Variants in RC3H1 observed in about 807,000 individuals in gnomAD.
The protein encoded by RC3H1 is roquin-1.
Under a neutral mutation model 138.2 loss-of-function variants are expected in RC3H1, and 50 were observed. The ratio of observed to expected loss-of-function variants is 0.36; its 90% CI spans 0.29 to 0.46. The LOEUF is 0.46. Ranked by LOEUF, RC3H1 falls within the 20% of genes least tolerant of loss-of-function variation. RC3H1 has a pLI of 1.00. For missense variants in RC3H1, 1,031 were observed against 1,388.1 expected (o/e 0.74, Z 4.09); for synonymous variants, 462 against 489.1 (o/e 0.94, Z 0.73).
intron 18 of RC3H1, among the ~76,000 whole-genome samples, chr1:173,942,867 A>T (rs1658959230): frequency 6.6e-6 from 1 of 152,110 alleles, no homozygotes; most frequent in African/African-American, 2.4e-5. Context: ...CAACAAAAAA[A>T]ATCATATCAT....
At chr1:173,982,321 G>C (rs1158363477) in intron 5 of RC3H1, among the ~76,000 whole-genome samples, 1 of 151,056 alleles carries the variant, frequency 6.6e-6, no homozygotes, top group Non-Finnish European at 1.5e-5. Context: ...GGAGGTTGCA[G>C]TGAGCCGAGA....
intron 1 of RC3H1, among the ~76,000 whole-genome samples, chr1:173,996,727 T>C (rs1326653506): frequency 6.6e-6 from 1 of 152,136 alleles, no homozygotes; most frequent in Non-Finnish European, 1.5e-5. Flanking sequence ...CTCCTCTACA[T>C]GCAGTGACAT....
chr1:173,950,665 T>C (rs1345930446), intron 14 of RC3H1, among the ~76,000 whole-genome samples: 1 of 151,896 alleles, frequency 6.6e-6, no homozygotes, highest in Non-Finnish European at 1.5e-5. Context: ...GGGAGAAAAA[T>C]GAGACTTGGG....
At position 173,947,505 on chromosome 1, in the gene RC3H1, G is replaced by A. The variant is rs1659183790; in HGVS notation, c.2601C>T (p.Leu867=). The change falls in exon 15 of 20, where the codon CTC becomes CTT. Residue 867 remains leucine (L), a synonymous_variant. Transcript: ENST00000367696. ...CTGTTGGTCGGTCTCCAAATGGGAT[G>A]AGGTCATCATCACTGGTTTCTGCTG... ...RRAAETSDDD[L]IPFGDRPTVS... is the part of the protein sequence containing the mutation. 1 of 1,614,022 alleles carries A rather than the reference G, an allele frequency of 6.2e-7. No individual in the cohort carries two copies. The highest frequency in any genetic ancestry group is 8.5e-7 in the Non-Finnish European group (1 of 1,179,990).
intron 1 of RC3H1, among the ~76,000 whole-genome samples, chr1:174,002,804 G>C (rs746287926): frequency 6.6e-6 from 1 of 152,068 alleles, no homozygotes; most frequent in Non-Finnish European, 1.5e-5. Flanking sequence ...CATATCTATT[G>C]AGGGCTTCTT....
In RC3H1 at chr1:173,983,558, C is replaced by T. The variant is rs1199612316; in HGVS notation, c.452G>A (p.Arg151Lys). ...TCGAGCTGCCCTCATGGCACGAATC[C>T]TGCCTTCTTCTTCTACTAGTTGACA... is the stretch of plus-strand genomic sequence containing the variant. ...VHCQLVEEEG[R>K]IRAMRAARSL... Residue 151 changes from arginine (R) to lysine (K), a missense_variant, in exon 4 of 20, where the codon AGG becomes AAG. Around this residue, in one of 7 missense-constraint regions of RC3H1, gnomAD observed 53 missense variants for 137.4 expected, o/e 0.39. Coordinates refer to ENST00000367696, the MANE Select transcript of RC3H1 (RefSeq NM_172071.4). 1 of 1,614,090 alleles carries T rather than the reference C, an allele frequency of 6.2e-7. No individual in the cohort carries two copies. The highest frequency in any genetic ancestry group is 8.5e-7 in the Non-Finnish European group (1 of 1,180,048).
At chr1:173,984,752 G>T (rs975004465) in intron 2 of RC3H1, 133 bp from the exon 3 acceptor site, 1 of 875,620 alleles carries the variant, frequency 1.1e-6, no homozygotes, top group Non-Finnish European at 1.7e-6. Context: ...TCTTTCAAAA[G>T]ATCTTTCCTA....
intron 1 of RC3H1, among the ~76,000 whole-genome samples, chr1:174,003,385 TCACACACACACA>T (rs3220994): frequency 4.2e-5 from 6 of 143,324 alleles, no homozygotes; most frequent in East Asian, 2.1e-4. Flanking sequence ...AAGACTCCTA[TCACACACACACA>T]CACACACACA....
chr1:173,947,796 G>A (rs1388158002), intron 14 of RC3H1, among the ~76,000 whole-genome samples: 1 of 152,140 alleles, frequency 6.6e-6, no homozygotes, highest in Admixed American at 6.6e-5. Context: ...AGGCTGGAAC[G>A]TAGGGGCACT....
chr1:173,953,746 A>T (rs970123551), intron 13 of RC3H1, among the ~76,000 whole-genome samples: 3 of 152,176 alleles, frequency 2.0e-5, no homozygotes, highest in Non-Finnish European at 4.4e-5. Flanking sequence ...CCTATTAAAA[A>T]ATAATAATGA....
At chr1:173,961,665 A>C in intron 12 of RC3H1, 60 bp downstream of exon 12, 1 of 1,463,138 alleles carries the variant, frequency 6.8e-7, no homozygotes, top group Admixed American at 2.2e-5. Flanking sequence ...ATAAAAAGTA[A>C]GGAATCACAG....
At chr1:173,939,333 T>C (rs1002090760) in intron 19 of RC3H1, among the ~76,000 whole-genome samples, 1 of 150,908 alleles carries the variant, frequency 6.6e-6, no homozygotes, top group Non-Finnish European at 1.5e-5. Flanking sequence ...AGCTCAGGAG[T>C]TGGAGATCAG....
rs763578355 is a variant in RC3H1, at chr1:173,946,726, G to C, written c.2828+20C>G. The C allele has an allele frequency of 6.2e-7, 1 of 1,607,100 alleles. No individual in the cohort carries two copies. Among genetic ancestry groups the C allele is most frequent in the Non-Finnish European group, 8.5e-7 (1 of 1,174,258 alleles). On this transcript the variant is annotated intron_variant, in intron 16 of 19. Transcript: ENST00000367696. The stretch of plus-strand genomic sequence containing the variant: ...TAAAGGTTTCTACATGTTTGTTCAA[G>C]TAAAAAGAATGACTCATACCTCTCA...
chr1:173,949,700 C>A (rs1659299760), intron 14 of RC3H1, among the ~76,000 whole-genome samples: 2 of 152,178 alleles, frequency 1.3e-5, no homozygotes, highest in Admixed American at 1.3e-4. Flanking sequence ...AACTTTCACA[C>A]ACGTGAAGAC....
rs1557911829 is a variant in RC3H1 at position 173,934,510 on chromosome 1, A to T, written c.*4211T>A. ...GTACAATCAACTCACAAATACTAAA[A>T]GGTTTCATGATCAAAATGGCTACTA... On this transcript the variant is annotated 3_prime_UTR_variant, in exon 20 of 20. Transcript: ENST00000367696. 1.3e-5 allele frequency: 2 copies of T among 152,210 alleles called. No individual in the cohort carries two copies. Among genetic ancestry groups the T allele is most frequent in the African/African-American group, 2.4e-5 (1 of 41,446 alleles). 9.4% of individuals were successfully genotyped at this position (152,210 alleles called of 1,614,324 possible).
intron 3 of RC3H1, among the ~76,000 whole-genome samples, chr1:173,984,072 G>A (rs963183058): frequency 1.9e-4 from 29 of 152,108 alleles, no homozygotes; most frequent in Admixed American, 2.0e-4. Context: ...GGCAACTTCC[G>A]TATTCATTAT....
chr1:173,941,146 T>C (rs550301955), intron 19 of RC3H1, 119 bp downstream of exon 19: 451 of 698,782 alleles, frequency 6.5e-4, no homozygotes, highest in Non-Finnish European at 9.6e-4. Flanking sequence ...GTACACAGAA[T>C]AATGATATTT....
At chr1:173,958,709 TACTAGCA>T (rs1174723879) in intron 13 of RC3H1, among the ~76,000 whole-genome samples, 48 of 152,044 alleles carry the variant, frequency 3.2e-4, no homozygotes, top group Admixed American at 6.6e-4. Context: ...TCACTATAAC[TACTAGCA>T]TTGTCATACA....
rs139638734 is a variant in RC3H1, at chr1:173,959,067, A to C, written c.2370+2010T>G. On this transcript the variant is annotated intron_variant, in intron 13 of 19. Transcript: ENST00000367696. ...TCCATTTACTCAAAGATTAGAAAGG[A>C]GTCAAGAATATGTGTTATCATCACT... 1.4e-3 allele frequency among the ~76,000 whole-genome samples: 209 copies of C among 152,300 alleles called. 2 individuals carry two copies. The highest frequency in any genetic ancestry group is 2.4e-3 in the Non-Finnish European group (161 of 68,016).
Sources: allele counts gnomAD v4.1 joint callset (sites outside exome capture counted in the v4.1 genomes callset), GRCh38; gene constraint gnomAD v4.1.1; regional missense constraint gnomAD v4.1.1; transcripts MANE v1.5; gene names NCBI Gene and HGNC (gene_info 2026-07-23, HGNC 2026-07-21).